The following ROBO1 variants were observed in gnomAD, a reference collection of about 807,000 sequenced individuals.
ROBO1 encodes roundabout guidance receptor 1.
In ROBO1, 149 loss-of-function variants were observed where a neutral mutation model predicts 195.9. The observed-to-expected ratio is 0.76, with a 90% CI of 0.67 to 0.87. ROBO1 has a LOEUF of 0.87. Ranked by LOEUF, ROBO1 falls within the 40% of genes least tolerant of loss-of-function variation. ROBO1 has a pLI of 0.00. For missense variants in ROBO1, 1,933 were observed against 2,068.3 expected (o/e 0.93, Z 1.27); for synonymous variants, 816 against 733.2 (o/e 1.11, Z -1.82).
chr3:78,997,285 C>T (rs1375372492), intron 3 of ROBO1, among the ~76,000 whole-genome samples: 7 of 152,128 alleles, frequency 4.6e-5, no homozygotes, highest in Non-Finnish European at 1.0e-4. Flanking sequence ...CTGTGAAATA[C>T]ATCTTTTTTT....
At chr3:78,943,234 TTTTTG>T (rs1210882928) in intron 3 of ROBO1, among the ~76,000 whole-genome samples, 10 of 151,598 alleles carry the variant, frequency 6.6e-5, no homozygotes, top group Admixed American at 3.9e-4. Flanking sequence ...CAAAGAAAGG[TTTTTG>T]TTTTGTTTTG....
At chr3:78,927,237 C>T (rs1023424333) in intron 4 of ROBO1, among the ~76,000 whole-genome samples, 1 of 152,156 alleles carries the variant, frequency 6.6e-6, no homozygotes, top group African/African-American at 2.4e-5. Context: ...CAGAACAAAA[C>T]ATTCCTGGAA....
intron 2 of ROBO1, among the ~76,000 whole-genome samples, chr3:79,510,447 A>G (rs996876360): frequency 6.6e-6 from 1 of 152,086 alleles, no homozygotes; most frequent in Non-Finnish European, 1.5e-5. Context: ...GCATTTCTTC[A>G]TCGCACCATG....
At chr3:79,645,758 T>C (rs1319878997) in intron 1 of ROBO1, among the ~76,000 whole-genome samples, 1 of 152,088 alleles carries the variant, frequency 6.6e-6, no homozygotes, top group Non-Finnish European at 1.5e-5. Context: ...AACATGATAC[T>C]GGTATAGGCA....
At chr3:79,494,646 C>T (rs1012405630) in intron 2 of ROBO1, among the ~76,000 whole-genome samples, 1 of 151,870 alleles carries the variant, frequency 6.6e-6, no homozygotes, top group African/African-American at 2.4e-5. Context: ...AAGGCAATTG[C>T]ACAAAACACA....
At chr3:78,716,727 T>C (rs141935745) in intron 7 of ROBO1, among the ~76,000 whole-genome samples, 2,773 of 152,232 alleles carry the variant, frequency 0.018, 80 homozygotes, top group African/African-American at 0.063. Context: ...GTGAACATAA[T>C]GGAGAAGACG....
At chr3:78,888,275 A>C (rs752045153) in intron 4 of ROBO1, among the ~76,000 whole-genome samples, 3 of 152,182 alleles carry the variant, frequency 2.0e-5, no homozygotes, top group Admixed American at 6.6e-5. Context: ...ATATTAAAGT[A>C]AAAGGAGTTC....
chr3:79,484,195 C>T (rs1460223515), intron 2 of ROBO1, among the ~76,000 whole-genome samples: 1 of 152,156 alleles, frequency 6.6e-6, no homozygotes, highest in Non-Finnish European at 1.5e-5. Context: ...AAATTTTTGT[C>T]TGTAAAGTGG....
intron 3 of ROBO1, among the ~76,000 whole-genome samples, chr3:78,942,293 T>C (rs1228346680): frequency 6.6e-6 from 1 of 151,932 alleles, no homozygotes. Context: ...AGGGAGACAC[T>C]GTCTCAAAGA....
At chr3:79,550,355 T>C (rs1239272598) in intron 2 of ROBO1, among the ~76,000 whole-genome samples, 1 of 152,130 alleles carries the variant, frequency 6.6e-6, no homozygotes, top group Non-Finnish European at 1.5e-5. Context: ...CTAACTTCAC[T>C]GAAAGGCTAT....
chr3:78,647,791 G>C (rs543517208), intron 19 of ROBO1, 136 bp from the exon 20 acceptor site: 26 of 787,906 alleles, frequency 3.3e-5, no homozygotes, highest in East Asian at 2.5e-5. Context: ...CTGACAATCT[G>C]ATCTATGAAT....
chr3:79,077,058 G>T (rs114890317), intron 3 of ROBO1, among the ~76,000 whole-genome samples: 2 of 151,814 alleles, frequency 1.3e-5, no homozygotes, highest in Non-Finnish European at 2.9e-5. Flanking sequence ...CTTGGTATAT[G>T]TATTCATTGT....
intron 2 of ROBO1, among the ~76,000 whole-genome samples, chr3:79,259,765 G>A (rs1037009554): frequency 1.3e-5 from 2 of 151,966 alleles, no homozygotes; most frequent in Non-Finnish European, 2.9e-5. Flanking sequence ...GATTTAAATC[G>A]ACATTTCTCA....
chr3:79,053,947 G>C (rs2078753660), intron 3 of ROBO1, among the ~76,000 whole-genome samples: 1 of 152,082 alleles, frequency 6.6e-6, no homozygotes, highest in African/African-American at 2.4e-5. Flanking sequence ...AAGGATGCTT[G>C]TACTCAGTAT....
intron 3 of ROBO1, among the ~76,000 whole-genome samples, chr3:78,973,423 A>C (rs2076812599): frequency 6.9e-6 from 1 of 145,870 alleles, no homozygotes; most frequent in Non-Finnish European, 1.5e-5. Flanking sequence ...ATATATATGA[A>C]GCTATATATA....
At chr3:79,636,603 T>A (rs1045756205) in intron 1 of ROBO1, among the ~76,000 whole-genome samples, 1 of 152,168 alleles carries the variant, frequency 6.6e-6, no homozygotes, top group Non-Finnish European at 1.5e-5. Flanking sequence ...GAGGTGTTCC[T>A]AGTTCAAGAC....
chr3:79,445,356 A>G (rs1003579184), intron 2 of ROBO1, among the ~76,000 whole-genome samples: 7 of 152,076 alleles, frequency 4.6e-5, no homozygotes, highest in African/African-American at 1.7e-4. Flanking sequence ...GATGAAAACT[A>G]CAACAATTGA....
In ROBO1 at chr3:79,511,344, A is replaced by T. The variant is rs141314990; in HGVS notation, c.88+78480T>A. ...AACATTATTTTTCAGATTAAATAAG[A>T]TACTCTACTCACTCAAGGAAGAAAA... On this transcript the variant is annotated intron_variant, in intron 2 of 30. Transcript: ENST00000464233. Among the ~76,000 whole-genome samples, 516 of 152,302 alleles carry T rather than the reference A, an allele frequency of 3.4e-3. 3 individuals are homozygous for T. The highest frequency in any genetic ancestry group is 4.9e-3 in the Non-Finnish European group (336 of 68,018).
chr3:78,933,357 G>T (rs139834342), intron 4 of ROBO1, among the ~76,000 whole-genome samples: 1 of 152,042 alleles, frequency 6.6e-6, no homozygotes, highest in Non-Finnish European at 1.5e-5. Context: ...AACATAAAGA[G>T]AATTTTATGT....
Sources: gnomAD v4.1 joint callset for allele counts (sites outside exome capture counted in the v4.1 genomes callset) on GRCh38, gnomAD v4.1.1 for gene constraint, MANE v1.5 for transcripts, NCBI Gene and HGNC (gene_info 2026-07-23, HGNC 2026-07-21) for gene names.